The following LIN52 variants were observed in gnomAD, a reference collection of about 807,000 sequenced individuals.
LIN52 encodes protein lin-52 homolog.
LIN52 carries 4 observed loss-of-function variants against 18.5 expected under a neutral mutation model. That is an observed-to-expected ratio of 0.22 (90% CI 0.11 to 0.49). The LOEUF is 0.49. Ranked by LOEUF, LIN52 falls within the 20% of genes least tolerant of loss-of-function variation. LIN52 has a pLI of 0.97. For missense variants in LIN52, 102 were observed against 139.5 expected, an observed-to-expected ratio of 0.73 and a Z score of 1.35; for synonymous variants, 34 against 45.5, an observed-to-expected ratio of 0.75 and a Z score of 1.02.
At position 74,104,029 on chromosome 14, in the gene LIN52, G is replaced by A. The variant is rs368830900; in HGVS notation, c.283+2791G>A. Among the ~76,000 whole-genome samples the A allele has an allele frequency of 1.8e-4, 28 of 151,696 alleles. No homozygotes were observed. The South Asian group carries it at 5.4e-3, about 29-fold the overall frequency. On this transcript the variant is annotated intron_variant, in intron 5 of 5. Coordinates refer to ENST00000555028, the MANE Select transcript of LIN52 (RefSeq NM_001024674.3). ...TTCTCCTGCCTCAGCCTCCCAAGTA[G>A]CTGAGATTACAGGCTCATGCCACCA...
At chr14:74,175,748 A>ACACC (rs200961706) in intron 5 of LIN52, among the ~76,000 whole-genome samples, 12 of 98,820 alleles carry the variant, frequency 1.2e-4, no homozygotes, top group South Asian at 8.0e-4. Flanking sequence ...ACACACACAC[A>ACACC]CACCCCCATT....
intron 5 of LIN52, among the ~76,000 whole-genome samples, chr14:74,112,866 G>A (rs1169000792): frequency 6.6e-6 from 1 of 152,048 alleles, no homozygotes; most frequent in Non-Finnish European, 1.5e-5. Context: ...AAATATAGAG[G>A]AGAAAAGCTC....
intron 5 of LIN52, among the ~76,000 whole-genome samples, chr14:74,129,626 G>A (rs2139935653): frequency 6.6e-6 from 1 of 152,270 alleles, no homozygotes; most frequent in South Asian, 2.1e-4. Flanking sequence ...GCTGAGGCAG[G>A]AGGCTCACTT....
chr14:74,144,142 T>A (rs1595173715), intron 5 of LIN52, among the ~76,000 whole-genome samples: 1 of 138,116 alleles, frequency 7.2e-6, no homozygotes, highest in Non-Finnish European at 1.6e-5. Flanking sequence ...TTTTTTTTTT[T>A]AAGACAGGGT....
chr14:74,096,498 T>C (rs1202193155), intron 3 of LIN52, among the ~76,000 whole-genome samples: 1 of 152,120 alleles, frequency 6.6e-6, no homozygotes, highest in African/African-American at 2.4e-5. Context: ...TGTTTTTGTT[T>C]TTTTGTTTTT....
intron 5 of LIN52, among the ~76,000 whole-genome samples, chr14:74,107,261 T>C (rs934851127): frequency 1.3e-5 from 2 of 152,226 alleles, no homozygotes; most frequent in African/African-American, 4.8e-5. Flanking sequence ...ACTTGAACCC[T>C]ACTCCATCAC....
intron 5 of LIN52, among the ~76,000 whole-genome samples, chr14:74,132,634 G>C (rs913325615): frequency 2.6e-4 from 39 of 152,070 alleles, no homozygotes; most frequent in African/African-American, 7.7e-4. Context: ...TCAGCCTCCC[G>C]AGTAGCTAGG....
chr14:74,131,180 A>G (rs182813573), intron 5 of LIN52, among the ~76,000 whole-genome samples: 2 of 109,004 alleles, frequency 1.8e-5, no homozygotes, highest in African/African-American at 7.7e-5. Context: ...CCCATCATCC[A>G]TTGTCCAGTA....
intron 5 of LIN52, among the ~76,000 whole-genome samples, chr14:74,119,659 CTA>C (rs2060987254): frequency 6.6e-6 from 1 of 152,144 alleles, no homozygotes; most frequent in South Asian, 2.1e-4. Context: ...CTTTTAACTT[CTA>C]GTCGTTCTAA....
intron 5 of LIN52, among the ~76,000 whole-genome samples, chr14:74,133,122 C>T (rs2061077944): frequency 6.6e-6 from 1 of 152,064 alleles, no homozygotes; most frequent in Non-Finnish European, 1.5e-5. Flanking sequence ...TTAGTATTGA[C>T]TTGTGTATAA....
At chr14:74,180,202 G>A in intron 5 of LIN52, among the ~76,000 whole-genome samples, 1 of 151,712 alleles carries the variant, frequency 6.6e-6, no homozygotes, top group Admixed American at 6.6e-5. Context: ...CCTGCATAGT[G>A]TCTACACCGA....
At chr14:74,101,074 A>G in intron 4 of LIN52, 81 bp from the exon 5 acceptor site, 1 of 1,101,238 alleles carries the variant, frequency 9.1e-7, no homozygotes, top group South Asian at 1.4e-5. Context: ...AAACTTGTAT[A>G]ACAAGAGTTC....
At chr14:74,179,232 A>G (rs1283877072) in intron 5 of LIN52, among the ~76,000 whole-genome samples, 1 of 152,174 alleles carries the variant, frequency 6.6e-6, no homozygotes, top group African/African-American at 2.4e-5. Context: ...CTCATATAGG[A>G]TTCATTACAT....
At position 74,130,278 on chromosome 14, in the gene LIN52, G is replaced by GTTTTTTTTTTTGTTT. The variant is rs2061055285; in HGVS notation, c.283+29051_283+29052insGTTTTTTTTTTTTTT. Among the ~76,000 whole-genome samples the GTTTTTTTTTTTGTTT allele has an allele frequency of 6.2e-4, 40 of 64,804 alleles. 4 individuals carry two copies. In the East Asian group the frequency reaches 7.8e-3, roughly 13 times the overall value. 42.5% of individuals were successfully genotyped at this position (64,804 alleles called of 152,430 possible). ...GAATTTATTAGATAGGCATTTTTTG[G>GTTTTTTTTTTTGTTT]TTTTTTTTTTTTTTTTTTGAGACAG... On this transcript the variant is annotated intron_variant, in intron 5 of 5. Transcript: ENST00000555028.
At chr14:74,166,186 C>G (rs892018231) in intron 5 of LIN52, among the ~76,000 whole-genome samples, 3 of 151,556 alleles carry the variant, frequency 2.0e-5, no homozygotes, top group Non-Finnish European at 4.4e-5. Flanking sequence ...CCACTGCGCC[C>G]AGCTATTTCA....
chr14:74,121,357 A>C (rs911373847), intron 5 of LIN52, among the ~76,000 whole-genome samples: 1 of 152,230 alleles, frequency 6.6e-6, no homozygotes. Context: ...AATGATTTTC[A>C]TGCATGTAAC....
chr14:74,103,827 A>T lies in LIN52; in HGVS notation c.283+2589A>T, dbSNP rs554058504. ...GGACTTGAGTTCCTGGGCTCAAGCA[A>T]TCAGCCCACCTCAGCCTTCTGAGTA... On this transcript the variant is annotated intron_variant, in intron 5 of 5. Transcript: ENST00000555028. Among the ~76,000 whole-genome samples, 196 of 139,024 alleles carry T rather than the reference A, an allele frequency of 1.4e-3. 1 individual carries two copies. The highest frequency in any genetic ancestry group is 5.0e-3 in the African/African-American group (188 of 37,302). 91.2% of individuals were successfully genotyped at this position (139,024 alleles called of 152,430 possible). A position where few individuals can be genotyped will look rare whatever the true frequency, so the allele number is the denominator to read the frequency against.
At chr14:74,185,715 TAAC>T (rs2061338260) in intron 5 of LIN52, among the ~76,000 whole-genome samples, 1 of 152,166 alleles carries the variant, frequency 6.6e-6, no homozygotes, top group Admixed American at 6.6e-5. Context: ...TAACTACATA[TAAC>T]AACAAGACCC....
At chr14:74,139,436 A>G (rs971020370) in intron 5 of LIN52, among the ~76,000 whole-genome samples, 1 of 152,180 alleles carries the variant, frequency 6.6e-6, no homozygotes, top group Non-Finnish European at 1.5e-5. Context: ...GCATGTATGG[A>G]CTTAGTGATC....
Sources: allele counts gnomAD v4.1 joint callset (sites outside exome capture counted in the v4.1 genomes callset), GRCh38; gene constraint gnomAD v4.1.1; transcripts MANE v1.5; gene names NCBI Gene and HGNC (gene_info 2026-07-23, HGNC 2026-07-21).